Variants in CUX2 observed in about 807,000 individuals in gnomAD.
The protein encoded by CUX2 is cut like homeobox 2.
Under a neutral mutation model 144.8 loss-of-function variants are expected in CUX2, and 40 were observed. The observed-to-expected ratio is 0.28, with a 90% CI of 0.21 to 0.36. The LOEUF is 0.36. CUX2 is among the 10% of genes least tolerant of loss of function. The pLI, the probability that CUX2 is intolerant of heterozygous loss-of-function variation, is 1.00. For missense variants in CUX2, 1,615 were observed against 1,994.0 expected (o/e 0.81, Z 3.62); for synonymous variants, 827 against 875.6 (o/e 0.94, Z 0.98).
intron 1 of CUX2, among the ~76,000 whole-genome samples, chr12:111,135,689 T>C (rs1875832623): frequency 6.6e-6 from 1 of 152,190 alleles, no homozygotes; most frequent in African/African-American, 2.4e-5. Flanking sequence ...GCAACAAGGA[T>C]GAGCCCCAAA....
At chr12:111,291,280 A>G in intron 4 of CUX2, 138 bp from the exon 5 acceptor site, 3 of 1,055,212 alleles carry the variant, frequency 2.8e-6, no homozygotes, top group Non-Finnish European at 4.0e-6. Context: ...CTCGTAGAGC[A>G]GAAAGTCCAT....
chr12:111,103,781 C>T (rs1047455782), intron 1 of CUX2, among the ~76,000 whole-genome samples: 4 of 152,332 alleles, frequency 2.6e-5, no homozygotes, highest in African/African-American at 7.2e-5. Flanking sequence ...TGCCTTCAGG[C>T]ATGGCTGTAT....
At chr12:111,047,909 G>A (rs1380167984) in intron 1 of CUX2, among the ~76,000 whole-genome samples, 2 of 152,222 alleles carry the variant, frequency 1.3e-5, no homozygotes, top group African/African-American at 2.4e-5. Flanking sequence ...TTTAGGCTGA[G>A]ACCTGAACCA....
At position 111,348,231 on chromosome 12, in the gene CUX2, A is replaced by T; in HGVS notation, c.4367A>T (p.Gln1456Leu). Residue 1456 changes from glutamine to leucine, a missense_variant, in exon 22 of 22, where the codon CAG becomes CTG. By Grantham distance (113) the Gln-to-Leu change is moderately radical. Coordinates refer to ENST00000261726, the MANE Select transcript of CUX2 (RefSeq NM_015267.4). ...AGTGCCAAGGTGAACCCCAACTTGC[A>T]GCGGCGGCATGAGAAGATGGCCAAT... ...HPSAKVNPNL[Q>L]RRHEKMANLN... is the part of the protein sequence containing the mutation. The T allele has an allele frequency of 1.2e-6, 2 of 1,613,986 alleles. No homozygotes were observed. Among genetic ancestry groups the T allele is most frequent in the Non-Finnish European group, 1.7e-6 (2 of 1,180,010 alleles).
At chr12:111,049,691 A>G (rs75963921) in intron 1 of CUX2, among the ~76,000 whole-genome samples, 2,373 of 152,292 alleles carry the variant, frequency 0.016, 70 homozygotes, top group African/African-American at 0.055. Context: ...TGGTCTCAGA[A>G]GGCAGCCTGC....
intron 4 of CUX2, among the ~76,000 whole-genome samples, chr12:111,285,818 G>A (rs940600902): frequency 2.0e-5 from 3 of 152,236 alleles, no homozygotes; most frequent in Admixed American, 2.0e-4. Context: ...GCCCGACTTT[G>A]GCCAAGGCAT....
intron 2 of CUX2, 134 bp downstream of exon 2, chr12:111,214,444 A>AAACAAAT: frequency 1.7e-6 from 1 of 577,388 alleles, no homozygotes; most frequent in Non-Finnish European, 3.0e-6. Flanking sequence ...GAAAAATGAC[A>AAACAAAT]GCCCCTAACC....
At chr12:111,330,723 A>G (rs1198640856) in intron 18 of CUX2, among the ~76,000 whole-genome samples, 1 of 57,498 alleles carries the variant, frequency 1.7e-5, no homozygotes, top group East Asian at 3.2e-4. Flanking sequence ...ATATATATAT[A>G]TATATATATA....
At chr12:111,220,143 C>CAAA (rs61639519) in intron 3 of CUX2, among the ~76,000 whole-genome samples, 3 of 108,682 alleles carry the variant, frequency 2.8e-5, no homozygotes, top group African/African-American at 9.9e-5. Context: ...GACTCTGTCT[C>CAAA]AAAAAAAAAA....
At chr12:111,267,777 T>C (rs1312930136) in intron 4 of CUX2, among the ~76,000 whole-genome samples, 1 of 152,030 alleles carries the variant, frequency 6.6e-6, no homozygotes, top group Non-Finnish European at 1.5e-5. Context: ...CTCCAATGTC[T>C]CCTCTGTATC....
At chr12:111,078,020 C>T (rs1303793924) in intron 1 of CUX2, among the ~76,000 whole-genome samples, 1 of 152,124 alleles carries the variant, frequency 6.6e-6, no homozygotes, top group African/African-American at 2.4e-5. Context: ...TCTGGGGGTA[C>T]CTGGGGTTTC....
At chr12:111,294,585 CAAAAAAAA>C (rs35222521) in intron 6 of CUX2, among the ~76,000 whole-genome samples, 8 of 100,050 alleles carry the variant, frequency 8.0e-5, no homozygotes, top group East Asian at 4.5e-4. Context: ...CCTATCTTTT[CAAAAAAAA>C]AAAAAAAAAA....
chr12:111,119,829 G>A (rs1364663900), intron 1 of CUX2, among the ~76,000 whole-genome samples: 4 of 152,228 alleles, frequency 2.6e-5, no homozygotes, highest in Non-Finnish European at 4.4e-5. Flanking sequence ...GGGCCAAGGC[G>A]GGAGGATCAC....
chr12:111,161,975 A>G (rs1175482927), intron 1 of CUX2, among the ~76,000 whole-genome samples: 1 of 152,182 alleles, frequency 6.6e-6, no homozygotes, highest in Non-Finnish European at 1.5e-5. Context: ...GGCTCAAGCG[A>G]TCCTCCTGCC....
intron 16 of CUX2, among the ~76,000 whole-genome samples, chr12:111,314,963 C>A (rs76036090): frequency 0.013 from 2,009 of 152,266 alleles, 44 homozygotes; most frequent in African/African-American, 0.046. Context: ...AACCCCAGGT[C>A]TCTCACCTCT....
chr12:111,079,754 C>T (rs1871763350), intron 1 of CUX2, among the ~76,000 whole-genome samples: 1 of 152,194 alleles, frequency 6.6e-6, no homozygotes, highest in African/African-American at 2.4e-5. Context: ...TGTGCGTACA[C>T]CTGTGTGCAT....
intron 1 of CUX2, among the ~76,000 whole-genome samples, chr12:111,184,834 C>T (rs930244199): frequency 5.9e-5 from 9 of 152,062 alleles, no homozygotes; most frequent in East Asian, 5.8e-4. Flanking sequence ...GAGGCCGAGG[C>T]GGGCAGATCA....
chr12:111,205,777 C>A (rs781683909), intron 1 of CUX2, among the ~76,000 whole-genome samples: 1 of 152,198 alleles, frequency 6.6e-6, no homozygotes, highest in Non-Finnish European at 1.5e-5. Flanking sequence ...TCAAAGCCAA[C>A]GTTTGAACCC....
chr12:111,110,294 T>C (rs1336412004), intron 1 of CUX2, among the ~76,000 whole-genome samples: 1 of 152,194 alleles, frequency 6.6e-6, no homozygotes, highest in Non-Finnish European at 1.5e-5. Context: ...CTTGACATGA[T>C]ACAATCTAGC....
Sources: gnomAD v4.1 joint callset for allele counts (sites outside exome capture counted in the v4.1 genomes callset) on GRCh38, gnomAD v4.1.1 for gene constraint, MANE v1.5 for transcripts, NCBI Gene and HGNC (gene_info 2026-07-23, HGNC 2026-07-21) for gene names.